The following ANO6 variants were observed in gnomAD, a reference collection of about 807,000 sequenced individuals.
The protein encoded by ANO6 is anoctamin-6.
A neutral mutation model predicts 117.5 loss-of-function variants in ANO6; 106 were observed. The ratio of observed to expected loss-of-function variants is 0.90; its 90% CI spans 0.77 to 1.06. The LOEUF (loss-of-function observed/expected upper bound fraction) is 1.06, where lower values mean the gene tolerates loss of function less well. ANO6 is among the 50% of genes least tolerant of loss of function. ANO6 has a pLI of 0.00. For missense variants in ANO6, 955 were observed against 1,121.1 expected, an observed-to-expected ratio of 0.85 and a Z score of 2.12; for synonymous variants, 367 against 385.1, an observed-to-expected ratio of 0.95 and a Z score of 0.55.
chr12:45,264,619 A>T (rs1363098302), intron 1 of ANO6, among the ~76,000 whole-genome samples: 1 of 152,226 alleles, frequency 6.6e-6, no homozygotes, highest in Non-Finnish European at 1.5e-5. Context: ...GACATCTGAA[A>T]CATTAATTTT....
At chr12:45,330,018 C>G (rs898230460) in intron 2 of ANO6, among the ~76,000 whole-genome samples, 7 of 151,992 alleles carry the variant, frequency 4.6e-5, no homozygotes, top group Non-Finnish European at 7.4e-5. Flanking sequence ...TTTTCCTAGC[C>G]CTTTATTGCC....
intron 19 of ANO6, among the ~76,000 whole-genome samples, chr12:45,428,361 C>G (rs1943555113): frequency 6.6e-6 from 1 of 152,130 alleles, no homozygotes; most frequent in Non-Finnish European, 1.5e-5. Context: ...ACCTATAATC[C>G]TAGCGCTTTG....
At position 45,357,204 on chromosome 12, in the gene ANO6, T is replaced by G. The variant is rs1441595986; in HGVS notation, c.864-86T>G. On this transcript the variant is annotated intron_variant, in intron 7 of 19. Coordinates refer to ENST00000320560, the MANE Select transcript of ANO6 (RefSeq NM_001025356.3). Reference sequence around the variant, plus strand: ...TCAGATTTAAGCTTAAAGCCTCTCCTTTATTTAAAATCAGAAATTAATATT... The same window carrying G: ...TCAGATTTAAGCTTAAAGCCTCTCCGTTATTTAAAATCAGAAATTAATATT... The G allele has an allele frequency of 3.3e-6, 5 of 1,498,172 alleles. No individual in the cohort carries two copies. The South Asian group carries it at 5.7e-5, about 17-fold the overall frequency. 92.8% of individuals were successfully genotyped at this position (1,498,172 alleles called of 1,614,324 possible).
intron 17 of ANO6, among the ~76,000 whole-genome samples, chr12:45,417,205 A>G (rs1943236618): frequency 6.6e-6 from 1 of 152,246 alleles, no homozygotes; most frequent in African/African-American, 2.4e-5. Flanking sequence ...TCACATAACT[A>G]TAAAAGGAGT....
At chr12:45,267,791 C>CA (rs897818548) in intron 1 of ANO6, among the ~76,000 whole-genome samples, 5 of 151,624 alleles carry the variant, frequency 3.3e-5, no homozygotes, top group Admixed American at 6.6e-5. Flanking sequence ...ACTCCCATCT[C>CA]AAAAAAAATA....
chr12:45,331,402 G>C lies in ANO6; in HGVS notation c.258G>C (p.Lys86Asn). 1 of 1,604,970 alleles carries C rather than the reference G, an allele frequency of 6.2e-7. No individual in the cohort carries two copies. Among genetic ancestry groups the C allele is most frequent in the Non-Finnish European group, 8.5e-7 (1 of 1,175,284 alleles). ...EDESRKETNK[K>N]GTNEKQRRKR... ...AAAGCAGAAAAGAGACCAATAAAAAGGGTACAAATGAAAAACAAAGGGTAA... is the reference window on the plus strand; with the variant it reads ...AAAGCAGAAAAGAGACCAATAAAAACGGTACAAATGAAAAACAAAGGGTAA... The change falls in exon 3 of 20, where the codon AAG (lysine) becomes AAC (asparagine). Residue 86 changes from lysine to asparagine, a missense_variant. Physicochemically the swap from Lys to Asn is moderately conservative, Grantham distance 94. Coordinates refer to ENST00000320560, the MANE Select transcript of ANO6 (RefSeq NM_001025356.3).
intron 15 of ANO6, among the ~76,000 whole-genome samples, chr12:45,407,737 T>G (rs1355203722): frequency 6.6e-6 from 1 of 152,164 alleles, no homozygotes; most frequent in African/African-American, 2.4e-5. Context: ...TCAGCAGGTT[T>G]TGATGTGTTA....
chr12:45,280,143 G>A (rs1473625545), intron 1 of ANO6, among the ~76,000 whole-genome samples: 1 of 152,182 alleles, frequency 6.6e-6, no homozygotes, highest in Non-Finnish European at 1.5e-5. Flanking sequence ...TGGCCATCCT[G>A]GGAGCACCCA....
rs1565778010 is a variant in ANO6, at chr12:45,429,673, C to T, written c.*362C>T. 3.5e-6 allele frequency: 4 copies of T among 1,127,826 alleles called. No homozygotes were observed. In the East Asian group the frequency reaches 2.8e-4, roughly 78 times the overall value. The allele number at this position is 1,127,826 out of a possible 1,614,324, so 69.9% of individuals were successfully genotyped here. On this transcript the variant is annotated 3_prime_UTR_variant, in exon 20 of 20. Coordinates refer to ENST00000320560, the MANE Select transcript of ANO6 (RefSeq NM_001025356.3). ...TTCTGTCTATTCTCAGGCGCATGAT[C>T]TCCTTTATTTTTAAGCCATGTTTCA...
intron 1 of ANO6, among the ~76,000 whole-genome samples, chr12:45,275,667 G>C (rs1180075501): frequency 6.6e-6 from 1 of 152,194 alleles, no homozygotes; most frequent in Non-Finnish European, 1.5e-5. Flanking sequence ...GTGTGTTGCT[G>C]CTTCCAATGG....
In ANO6 at chr12:45,348,328, C is replaced by T. The variant is rs1366043182; in HGVS notation, c.633+13C>T. On this transcript the variant is annotated intron_variant, in intron 5 of 19. Coordinates refer to ENST00000320560, the MANE Select transcript of ANO6 (RefSeq NM_001025356.3). The stretch of plus-strand genomic sequence containing the variant: ...CAGAAGCCGCATTGTAAGTCTAAAC[C>T]AAATTTAGTTGCTGTCTTGGGGTAA... The T allele has an allele frequency of 1.2e-6, 2 of 1,613,918 alleles. No homozygotes were observed. The highest frequency in any genetic ancestry group is 3.3e-5 in the Admixed American group (2 of 60,002).
At chr12:45,278,490 T>C (rs1225949220) in intron 1 of ANO6, among the ~76,000 whole-genome samples, 1 of 152,222 alleles carries the variant, frequency 6.6e-6, no homozygotes, top group African/African-American at 2.4e-5. Context: ...TTAACTTTAT[T>C]GAACATTTCC....
chr12:45,306,520 G>A (rs1939674718), intron 2 of ANO6, among the ~76,000 whole-genome samples: 1 of 152,088 alleles, frequency 6.6e-6, no homozygotes, highest in Non-Finnish European at 1.5e-5. Context: ...AGTCTGAAGA[G>A]TAATTATCCC....
At chr12:45,311,585 G>C (rs1425822404) in intron 2 of ANO6, among the ~76,000 whole-genome samples, 1 of 152,076 alleles carries the variant, frequency 6.6e-6, no homozygotes, top group Non-Finnish European at 1.5e-5. Context: ...TATTTGTCAA[G>C]AGTAATTGGT....
At chr12:45,324,982 G>A (rs1940410484) in intron 2 of ANO6, among the ~76,000 whole-genome samples, 1 of 152,164 alleles carries the variant, frequency 6.6e-6, no homozygotes, top group South Asian at 2.1e-4. Flanking sequence ...GTATTTGTGA[G>A]TCGTGACCAG....
At chr12:45,354,090 A>G (rs990508761) in intron 7 of ANO6, among the ~76,000 whole-genome samples, 4 of 152,190 alleles carry the variant, frequency 2.6e-5, no homozygotes, top group African/African-American at 9.6e-5. Flanking sequence ...CCAGAGAAGT[A>G]TCTGAAGAAC....
chr12:45,346,238 A>T (rs561516312), intron 3 of ANO6, among the ~76,000 whole-genome samples: 1 of 152,282 alleles, frequency 6.6e-6, no homozygotes, highest in South Asian at 2.1e-4. Flanking sequence ...TCTTCATTTC[A>T]CAAAGCAGTA....
chr12:45,236,265 G>T (rs534920362), intron 1 of ANO6, among the ~76,000 whole-genome samples: 2 of 152,126 alleles, frequency 1.3e-5, no homozygotes, highest in Admixed American at 1.3e-4. Context: ...AAGTTCTAGG[G>T]TACATGTGCA....
intron 2 of ANO6, among the ~76,000 whole-genome samples, chr12:45,302,819 T>C (rs1939540216): frequency 6.6e-6 from 1 of 152,218 alleles, no homozygotes. Flanking sequence ...ACCATATTAT[T>C]GCACCAGATA....
Sources: allele counts gnomAD v4.1 joint callset (sites outside exome capture counted in the v4.1 genomes callset), GRCh38; gene constraint gnomAD v4.1.1; transcripts MANE v1.5; gene names NCBI Gene and HGNC (gene_info 2026-07-23, HGNC 2026-07-21).